The following SEPTIN4 variants were observed in gnomAD, a reference collection of about 807,000 sequenced individuals.
SEPTIN4 encodes septin-4.
Under a neutral mutation model 107.1 loss-of-function variants are expected in SEPTIN4, and 52 were observed. That is an observed-to-expected ratio of 0.49 (90% CI 0.39 to 0.61). The LOEUF is 0.61. Among genes scored for constraint, SEPTIN4 ranks in the 20% least tolerant of loss-of-function variants. SEPTIN4 has a pLI of 0.00. For missense variants in SEPTIN4, 1,048 were observed against 1,243.5 expected, an observed-to-expected ratio of 0.84 and a Z score of 2.36; for synonymous variants, 417 against 467.0, an observed-to-expected ratio of 0.89 and a Z score of 1.38.
At chr17:58,539,226 G>C (rs147913613) in intron 3 of SEPTIN4, 2 of 1,479,084 alleles carry the variant, frequency 1.4e-6, no homozygotes, top group Admixed American at 2.2e-5. Flanking sequence ...TATCGAGACC[G>C]GATAAGAGCT....
chr17:58,534,973 T>G (rs2043658301), intron 3 of SEPTIN4, among the ~76,000 whole-genome samples: 1 of 152,226 alleles, frequency 6.6e-6, no homozygotes, highest in Non-Finnish European at 1.5e-5. Flanking sequence ...CACTTCTGCC[T>G]TTCAGTAGCT....
intron 3 of SEPTIN4, chr17:58,529,899 C>T (rs1229672563): frequency 6.6e-6 from 1 of 151,982 alleles, no homozygotes; most frequent in Non-Finnish European, 1.5e-5. Context: ...GACTTTGCTC[C>T]AGGGACTCCC....
intron 6 of SEPTIN4, 78 bp from the exon 7 acceptor site, chr17:58,525,279 C>T: frequency 1.3e-6 from 2 of 1,571,254 alleles, no homozygotes; most frequent in South Asian, 1.2e-5. Flanking sequence ...CCCAACCAGC[C>T]TTGTTGCTCA....
Position 58,521,242 on chromosome 17 carries a change from T to A in SEPTIN4, c.2668+12A>T. The A allele has an allele frequency of 6.2e-7, 1 of 1,614,202 alleles. No homozygotes were observed. Among genetic ancestry groups the A allele is most frequent in the African/African-American group, 1.3e-5 (1 of 75,058 alleles). ...GCAAGGAGATACCCTGGTCACAGGC[T>A]CAGTGCTTTACCTTCCACGATGCCC... On this transcript the variant is annotated intron_variant, in intron 11 of 13. Coordinates refer to ENST00000672673, the MANE Select transcript of SEPTIN4 (RefSeq NM_001368771.2). This position sits in a 1 kb window ranked among gnomAD's most constrained non-coding sequence, Gnocchi z 6.4.
rs17851603 is a variant in SEPTIN4, at chr17:58,521,978, G to A, written c.2340C>T (p.Pro780=). ...RVHCCLYFIS[P]FGHGLRPLDV... is the part of the protein sequence containing the mutation. ...GGCTTGGACCATACCCATGGCCGAAGGGTGAGATGAAGTACAGGCAGCAGT... is the reference window on the plus strand; with the variant it reads ...GGCTTGGACCATACCCATGGCCGAAAGGTGAGATGAAGTACAGGCAGCAGT... The change falls in exon 8 of 14, where the codon CCC becomes CCT. Residue 780 remains proline (P), a synonymous_variant. Transcript: ENST00000672673. The surrounding 1 kb of genome is among the most constrained non-coding windows in gnomAD (Gnocchi z 6.4). The A allele has an allele frequency of 6.2e-7, 1 of 1,614,238 alleles. No individual in the cohort carries two copies.
At chr17:58,524,081 G>GGC (rs1598265701) in intron 7 of SEPTIN4, among the ~76,000 whole-genome samples, 1 of 152,272 alleles carries the variant, frequency 6.6e-6, no homozygotes, top group East Asian at 1.9e-4. Context: ...ATCAAGATTT[G>GGC]AACTCTCTGT....
intron 3 of SEPTIN4, among the ~76,000 whole-genome samples, chr17:58,537,921 C>T (rs533338243): frequency 1.3e-5 from 2 of 150,962 alleles, no homozygotes; most frequent in African/African-American, 4.9e-5. Flanking sequence ...TTCTCAACTA[C>T]GAGCCTCTGC....
At position 58,530,063 on chromosome 17, in the gene SEPTIN4, G is replaced by C. The variant is rs1260671309; in HGVS notation, c.1615-3085C>G. On this transcript the variant is annotated intron_variant, in intron 3 of 13. Coordinates refer to ENST00000672673, the MANE Select transcript of SEPTIN4 (RefSeq NM_001368771.2). ...GGAGGCTGGCAGCCCAGAAGCTTCA[G>C]AGCTGCCATTTAGGTGGGAGATAAA... is the stretch of plus-strand genomic sequence containing the variant. 3.9e-5 allele frequency: 6 copies of C among 152,266 alleles called. No individual in the cohort carries two copies. In the East Asian group the frequency reaches 7.7e-4, roughly 20 times the overall value. The allele number at this position is 152,266 out of a possible 1,614,324, so 9.4% of individuals were successfully genotyped here.
At chr17:58,526,486 T>G in intron 4 of SEPTIN4, 173 bp from the exon 5 acceptor site, 1 of 1,390,732 alleles carries the variant, frequency 7.2e-7, no homozygotes, top group Non-Finnish European at 9.3e-7. Flanking sequence ...TTGCTGAAAC[T>G]GCAAATTTCC....
chr17:58,529,209 A>G (rs777774852), intron 3 of SEPTIN4: 11 of 1,614,040 alleles, frequency 6.8e-6, no homozygotes, highest in Non-Finnish European at 8.5e-6. Context: ...AGAAAGCTCT[A>G]GGTCTAATTT....
intron 3 of SEPTIN4, chr17:58,539,056 G>A: frequency 3.3e-6 from 4 of 1,208,348 alleles, no homozygotes; most frequent in South Asian, 1.4e-5. Context: ...AGGCCGGGGA[G>A]AGCCTAGCTC....
chr17:58,536,003 A>G (rs2043697112), intron 3 of SEPTIN4, among the ~76,000 whole-genome samples: 1 of 152,154 alleles, frequency 6.6e-6, no homozygotes, highest in Admixed American at 6.5e-5. Context: ...TTCACATACA[A>G]AGACACAGAT....
Position 58,543,885 on chromosome 17 carries a change from G to A in SEPTIN4, c.302C>T (p.Ser101Phe). The A allele has an allele frequency of 1.2e-6, 2 of 1,614,150 alleles. No individual in the cohort carries two copies. The highest frequency in any genetic ancestry group is 1.3e-5 in the African/African-American group (1 of 75,040). ...GPRTESSRHS[S>F]PHLKSQKTQT... ...AGTCTTCTGGCTCTTTAGATGGGGAGAGGAATGGCGGGATGATTCTGTTCT... is the reference window on the plus strand; with the variant it reads ...AGTCTTCTGGCTCTTTAGATGGGGAAAGGAATGGCGGGATGATTCTGTTCT... The change falls in exon 1 of 14, where the codon TCT becomes TTT. Residue 101 changes from serine (S) to phenylalanine (F), a missense_variant. Physicochemically the swap from Ser to Phe is radical, Grantham distance 155 (BLOSUM62 -2). This residue lies in a region of SEPTIN4 where 787 missense variants were observed against 871.8 expected (regional missense o/e 0.90). Transcript: ENST00000672673.
chr17:58,533,722 G>A (rs2043611630), intron 3 of SEPTIN4, among the ~76,000 whole-genome samples: 1 of 152,214 alleles, frequency 6.6e-6, no homozygotes. Flanking sequence ...ACCAATGGCA[G>A]TTGGAAGTCT....
intron 3 of SEPTIN4, among the ~76,000 whole-genome samples, chr17:58,540,011 T>C (rs768827367): frequency 9.2e-5 from 14 of 151,850 alleles, no homozygotes; most frequent in Non-Finnish European, 1.9e-4. Flanking sequence ...AGTCAGCCTA[T>C]GAATGGGACC....
Position 58,540,667 on chromosome 17 carries a change from T to C in SEPTIN4, c.1613A>G (p.Glu538Gly). 2 of 1,362,444 alleles carry C rather than the reference T, an allele frequency of 1.5e-6. No homozygotes were observed. The highest frequency in any genetic ancestry group is 9.4e-7 in the Non-Finnish European group (1 of 1,062,870). The allele number at this position is 1,362,444 out of a possible 1,614,324, so 84.4% of individuals were successfully genotyped here. A position where few individuals can be genotyped will look rare whatever the true frequency, so the allele number is the denominator to read the frequency against. The change falls in exon 3 of 14, where the codon GAG becomes GGG. Residue 538 changes from glutamate (E) to glycine (G), a missense_variant and splice_region_variant. This residue lies in a region of SEPTIN4 where 787 missense variants were observed against 871.8 expected (regional missense o/e 0.90). Transcript: ENST00000672673. ...NRVIWWLKDE[E>G]IKRFLEDTTD... Reference sequence around the variant, plus strand: ...GTAACCTCCCAGGGGCATTCTTACCTCCTCATCTGTCATAACAGAGTAGAA... The same window carrying C: ...GTAACCTCCCAGGGGCATTCTTACCCCCTCATCTGTCATAACAGAGTAGAA...
Position 58,521,039 on chromosome 17 carries a change from G to A in SEPTIN4, c.2790C>T (p.Ile930=). 2 of 1,614,164 alleles carry A rather than the reference G, an allele frequency of 1.2e-6. No individual in the cohort carries two copies. The stretch of plus-strand genomic sequence containing the variant: ...TCACCACCAGGCGGGTCATGCTCTG[G>A]ATGCACTGTGCCCGGTAGTTCTCAT... The part of the protein sequence containing the change: ...THYENYRAQC[I]QSMTRLVVKE... The change falls in exon 12 of 14, where the codon ATC becomes ATT. Residue 930 remains isoleucine (I), a synonymous_variant. Coordinates refer to ENST00000672673, the MANE Select transcript of SEPTIN4 (RefSeq NM_001368771.2). The surrounding 1 kb of genome is among the most constrained non-coding windows in gnomAD (Gnocchi z 6.4).
At chr17:58,539,528 C>T (rs1437115628) in intron 3 of SEPTIN4, among the ~76,000 whole-genome samples, 2 of 152,182 alleles carry the variant, frequency 1.3e-5, no homozygotes, top group Non-Finnish European at 2.9e-5. Context: ...CCTCCAAGAG[C>T]ACTTACTCAG....
At chr17:58,520,941 C>T (rs550189658) in intron 12 of SEPTIN4, 57 bp downstream of exon 12, 2 of 1,612,078 alleles carry the variant, frequency 1.2e-6, no homozygotes, top group Admixed American at 3.3e-5. Context: ...CTTGGTCTCA[C>T]CCAAGGCTAG....
Sources: gnomAD v4.1 joint callset for allele counts (sites outside exome capture counted in the v4.1 genomes callset) on GRCh38, gnomAD v4.1.1 for gene constraint, gnomAD v4.1.1 regional missense constraint, Gnocchi (gnomAD v3.1) non-coding constraint, MANE v1.5 for transcripts, NCBI Gene and HGNC (gene_info 2026-07-23, HGNC 2026-07-21) for gene names.